Variants in GRM8 observed in about 807,000 individuals in gnomAD.
GRM8 encodes the protein glutamate metabotropic receptor 8, also known as metabotropic glutamate receptor 8.
A neutral mutation model predicts 87.2 loss-of-function variants in GRM8; 47 were observed. That is an observed-to-expected ratio of 0.54 (90% CI 0.43 to 0.69). The LOEUF (loss-of-function observed/expected upper bound fraction) is 0.69. Ranked by LOEUF, GRM8 falls within the 30% of genes least tolerant of loss-of-function variation. GRM8 has a pLI of 0.00. For missense variants in GRM8, 1,019 were observed against 1,139.2 expected (o/e 0.89, Z 1.52); for synonymous variants, 396 against 404.5 (o/e 0.98, Z 0.25).
intron 3 of GRM8, among the ~76,000 whole-genome samples, chr7:127,063,996 GTAT>G (rs1820868020): frequency 6.6e-6 from 1 of 152,118 alleles, no homozygotes; most frequent in South Asian, 2.1e-4. Flanking sequence ...AGTGTGTTTG[GTAT>G]TATTTCAGTT....
chr7:127,235,096 C>T (rs10226675), intron 2 of GRM8, among the ~76,000 whole-genome samples: 11,781 of 152,202 alleles, frequency 0.077, 688 homozygotes, highest in African/African-American at 0.16. Flanking sequence ...CATCCAGTCA[C>T]AAACCATTCT....
At chr7:126,576,327 G>C (rs1242166686) in intron 8 of GRM8, among the ~76,000 whole-genome samples, 3 of 152,038 alleles carry the variant, frequency 2.0e-5, no homozygotes, top group Non-Finnish European at 4.4e-5. Context: ...CTGTCACCCA[G>C]GTTGGAGTGC....
At chr7:126,877,343 T>C (rs561507674) in intron 6 of GRM8, among the ~76,000 whole-genome samples, 9 of 152,346 alleles carry the variant, frequency 5.9e-5, no homozygotes, top group African/African-American at 2.2e-4. Context: ...TCTCCATGTA[T>C]CCTACGGTTT....
intron 9 of GRM8, among the ~76,000 whole-genome samples, chr7:126,513,080 T>C (rs1811639366): frequency 6.6e-6 from 1 of 152,154 alleles, no homozygotes; most frequent in Non-Finnish European, 1.5e-5. Context: ...TGGATACCTG[T>C]ATGTTTCAGA....
At chr7:126,876,917 C>T (rs768313119) in intron 6 of GRM8, among the ~76,000 whole-genome samples, 18 of 148,530 alleles carry the variant, frequency 1.2e-4, no homozygotes, top group African/African-American at 3.7e-4. Context: ...TATCCTATAA[C>T]TCTAGGAATA....
At chr7:126,721,999 CAGG>C (rs1157118823) in intron 7 of GRM8, among the ~76,000 whole-genome samples, 6 of 152,194 alleles carry the variant, frequency 3.9e-5, no homozygotes, top group Admixed American at 1.3e-4. Context: ...AGAGGGACAT[CAGG>C]AGGTGACTAA....
intron 3 of GRM8, among the ~76,000 whole-genome samples, chr7:126,960,733 A>G (rs1809228252): frequency 6.6e-6 from 1 of 152,192 alleles, no homozygotes; most frequent in Non-Finnish European, 1.5e-5. Flanking sequence ...CAAATATGCA[A>G]ATGGTATTGG....
intron 6 of GRM8, among the ~76,000 whole-genome samples, chr7:126,818,172 A>G (rs1169840553): frequency 6.6e-6 from 1 of 152,068 alleles, no homozygotes; most frequent in African/African-American, 2.4e-5. Flanking sequence ...ACTCTTTAAT[A>G]TCTTAATAGA....
chr7:126,512,129 C>T (rs969576589), intron 9 of GRM8: 2 of 152,126 alleles, frequency 1.3e-5, no homozygotes, highest in South Asian at 4.2e-4. Context: ...CCCTTCTCCC[C>T]CAGCAGAGAG....
intron 6 of GRM8, among the ~76,000 whole-genome samples, chr7:126,810,984 A>G (rs1793230840): frequency 1.3e-5 from 2 of 152,080 alleles, no homozygotes; most frequent in Admixed American, 6.6e-5. Flanking sequence ...GTTTTCTTCA[A>G]GTATTGTTAT....
At chr7:127,090,908 C>G (rs1470144344) in intron 3 of GRM8, 1 of 152,302 alleles carries the variant, frequency 6.6e-6, no homozygotes, top group African/African-American at 2.4e-5. Flanking sequence ...CATGCACTCA[C>G]CTGCCATGTC....
intron 8 of GRM8, among the ~76,000 whole-genome samples, chr7:126,558,252 T>C (rs576540213): frequency 6.6e-6 from 1 of 152,328 alleles, no homozygotes; most frequent in East Asian, 1.9e-4. Context: ...GTACCAAGTA[T>C]AGTTCAGAGT....
At chr7:126,498,621 C>G (rs1389167048) in intron 9 of GRM8, among the ~76,000 whole-genome samples, 2 of 151,968 alleles carry the variant, frequency 1.3e-5, no homozygotes, top group Non-Finnish European at 2.9e-5. Flanking sequence ...TTGGCTGTCT[C>G]TATTGCTTTT....
At chr7:126,916,692 G>C (rs1183401269) in intron 3 of GRM8, among the ~76,000 whole-genome samples, 1 of 152,160 alleles carries the variant, frequency 6.6e-6, no homozygotes, top group Non-Finnish European at 1.5e-5. Context: ...CAGATACAGT[G>C]GCTGAGATTC....
chr7:126,618,343 G>T (rs1447537324), intron 7 of GRM8, among the ~76,000 whole-genome samples: 1 of 152,152 alleles, frequency 6.6e-6, no homozygotes, highest in Admixed American at 6.6e-5. Flanking sequence ...GCTCAAACTG[G>T]ATCCCTTCCT....
intron 6 of GRM8, among the ~76,000 whole-genome samples, chr7:126,783,951 T>G (rs1230248857): frequency 6.6e-6 from 1 of 152,190 alleles, no homozygotes; most frequent in Non-Finnish European, 1.5e-5. Flanking sequence ...TAGCCTCAGA[T>G]CAAAAACTGT....
At chr7:126,524,241 C>A (rs563253325) in intron 9 of GRM8, among the ~76,000 whole-genome samples, 1 of 152,114 alleles carries the variant, frequency 6.6e-6, no homozygotes, top group African/African-American at 2.4e-5. Flanking sequence ...ATCTGACATG[C>A]CTTTTTTTGG....
intron 8 of GRM8, among the ~76,000 whole-genome samples, chr7:126,567,789 T>C (rs1794360428): frequency 6.6e-6 from 1 of 152,108 alleles, no homozygotes; most frequent in Non-Finnish European, 1.5e-5. Flanking sequence ...AATAAGATGT[T>C]ATATCCAGAA....
chr7:126,929,681 C>G (rs559907418), intron 3 of GRM8, among the ~76,000 whole-genome samples: 41 of 145,582 alleles, frequency 2.8e-4, no homozygotes, highest in African/African-American at 9.9e-4. Flanking sequence ...TGATCCACCC[C>G]CCTCAGCCTC....
Sources: gnomAD v4.1 joint callset for allele counts (sites outside exome capture counted in the v4.1 genomes callset) on GRCh38, gnomAD v4.1.1 for gene constraint, MANE v1.5 for transcripts, NCBI Gene and HGNC (gene_info 2026-07-23, HGNC 2026-07-21) for gene names.